MEIOB: variants seen among roughly 807,000 people sequenced by gnomAD.
The protein encoded by MEIOB is meiosis specific with OB-fold.
In MEIOB, 50 loss-of-function variants were observed where a neutral mutation model predicts 53.1. That is an observed-to-expected ratio of 0.94 (90% CI 0.75 to 1.19). The LOEUF (loss-of-function observed/expected upper bound fraction) is 1.19, where lower values mean the gene tolerates loss of function less well. Among genes scored for constraint, MEIOB ranks in the 50% most tolerant of loss-of-function variants. MEIOB has a pLI of 0.00. For synonymous variants in MEIOB, 192 were observed against 182.5 expected (o/e 1.05, Z -0.42); for missense variants, 551 against 550.8 (o/e 1.00, Z 0.00).
intron 10 of MEIOB, among the ~76,000 whole-genome samples, chr16:1,842,807 G>T (rs1438939557): frequency 2.0e-5 from 3 of 150,456 alleles, no homozygotes; most frequent in Non-Finnish European, 4.4e-5. Flanking sequence ...GGCACTACGG[G>T]CGCCCGCCAC....
Position 1,844,995 on chromosome 16 carries a change from C to A in MEIOB, c.779-32G>T, listed in dbSNP as rs781104152. ...TTGAAAATGCATAATAAGTAAAAAG[C>A]AAACTGATTATCATTTAAATCACAT... On this transcript the variant is annotated intron_variant, in intron 9 of 13. Transcript: ENST00000325962. 5.3e-6 allele frequency: 5 copies of A among 943,038 alleles called. No individual in the cohort carries two copies. In the Admixed American group the frequency reaches 8.7e-5, roughly 16 times the overall value. The allele number at this position is 943,038 out of a possible 1,614,324, so 58.4% of individuals were successfully genotyped here.
At chr16:1,848,372 C>T (rs1412518479) in intron 9 of MEIOB, among the ~76,000 whole-genome samples, 1 of 152,100 alleles carries the variant, frequency 6.6e-6, no homozygotes, top group East Asian at 1.9e-4. Flanking sequence ...TAAGCATCAT[C>T]TATGATAACT....
At position 1,859,846 on chromosome 16, in the gene MEIOB, G is replaced by A. The variant is rs868372624; in HGVS notation, c.332+557C>T. On this transcript the variant is annotated intron_variant, in intron 5 of 13. Coordinates refer to ENST00000325962, the MANE Select transcript of MEIOB (RefSeq NM_001163560.3). ...ATGCCCCGCCCCATCCTGCGGGTTT[G>A]GGGAGTGGATGGACTACAGCCAGGG... 9.2e-5 allele frequency among the ~76,000 whole-genome samples: 14 copies of A among 152,226 alleles called. 1 individual carries two copies. In the South Asian group the frequency reaches 2.3e-3, roughly 25 times the overall value.
intron 11 of MEIOB, 86 bp downstream of exon 11, chr16:1,841,734 G>A (rs1216712110): frequency 9.6e-7 from 1 of 1,044,480 alleles, no homozygotes; most frequent in African/African-American, 1.6e-5. Flanking sequence ...TCAACAAACA[G>A]CTTTAACTTT....
rs540621439 is a variant in MEIOB at position 1,848,589 on chromosome 16, C to G, written c.779-3626G>C. On this transcript the variant is annotated intron_variant, in intron 9 of 13. Transcript: ENST00000325962. ...ACAGAGTCTCACTCTGTTGCCCAGGCTGGGATGCAGTGGCATGATCTCGAC... is the reference window on the plus strand; with the variant it reads ...ACAGAGTCTCACTCTGTTGCCCAGGGTGGGATGCAGTGGCATGATCTCGAC... Among the ~76,000 whole-genome samples the G allele has an allele frequency of 1.2e-3, 169 of 140,252 alleles. 3 individuals carry two copies. Among genetic ancestry groups the G allele is most frequent in the Admixed American group, 4.7e-4 (6 of 12,728 alleles). The allele number at this position is 140,252 out of a possible 152,430, so 92.0% of individuals were successfully genotyped here.
chr16:1,839,491 C>G (rs1285172625), intron 11 of MEIOB, 53 bp from the exon 12 acceptor site: 3 of 1,467,420 alleles, frequency 2.0e-6, no homozygotes, highest in Non-Finnish European at 2.8e-6. Flanking sequence ...CTACAAATTT[C>G]ATCTGTAGCA....
chr16:1,838,769 G>A (rs547816248), intron 12 of MEIOB, among the ~76,000 whole-genome samples: 78 of 152,160 alleles, frequency 5.1e-4, no homozygotes, highest in Non-Finnish European at 1.0e-3. Flanking sequence ...TTGGCTCACT[G>A]CAACTTCCAC....
chr16:1,867,751 C>T (rs1468868646), intron 2 of MEIOB, among the ~76,000 whole-genome samples: 1 of 152,084 alleles, frequency 6.6e-6, no homozygotes, highest in Non-Finnish European at 1.5e-5. Context: ...GGATTACAGA[C>T]ATGAGCCACT....
chr16:1,865,722 G>T, intron 3 of MEIOB, 56 bp downstream of exon 3: 1 of 1,242,572 alleles, frequency 8.0e-7, no homozygotes. Context: ...ATACTTTGTT[G>T]TAGTCATAAG....
At chr16:1,837,602 T>C in intron 13 of MEIOB, 182 bp downstream of exon 13, 1 of 456,132 alleles carries the variant, frequency 2.2e-6, no homozygotes. Flanking sequence ...GTAACTCCTT[T>C]ATACAATATG....
At position 1,853,275 on chromosome 16, in the gene MEIOB, C is replaced by T; in HGVS notation, c.630-4G>A. ...TAGAATGGATTCATTATCCCAACTG[C>T]ATTTGTTTAAAAAGAAGTAATACAA... On this transcript the variant is annotated splice_region_variant and splice_polypyrimidine_tract_variant and intron_variant, in intron 7 of 13. Transcript: ENST00000325962. 1 of 1,545,016 alleles carries T rather than the reference C, an allele frequency of 6.5e-7. No homozygotes were observed. Among genetic ancestry groups the T allele is most frequent in the Non-Finnish European group, 8.8e-7 (1 of 1,140,804 alleles).
In MEIOB at chr16:1,870,502, T is replaced by C. The variant is rs997125528; in HGVS notation, c.-10+1491A>G. Among the ~76,000 whole-genome samples the C allele has an allele frequency of 5.9e-5, 9 of 152,334 alleles. 1 individual carries two copies. The highest frequency in any genetic ancestry group is 1.7e-4 in the African/African-American group (7 of 41,582). ...GGAGTTAGTCAAATATGATTTTGAA[T>C]TGCAACACCACTAGTTTGTAGTCGT... On this transcript the variant is annotated intron_variant, in intron 1 of 13. Transcript: ENST00000325962.
In MEIOB at chr16:1,857,830, T is replaced by C; in HGVS notation, c.433A>G (p.Lys145Glu). The C allele has an allele frequency of 6.4e-7, 1 of 1,551,598 alleles. No homozygotes were observed. The highest frequency in any genetic ancestry group is 1.2e-5 in the South Asian group (1 of 84,042). Residue 145 changes from lysine to glutamate, a missense_variant, in exon 6 of 14, where the codon AAA becomes GAA. Transcript: ENST00000325962. ...AGTGAATAATAATCATGAGACTCTT[T>C]AACAGGTAAATGTATCAAAGAAAGT... ...KLLSLIHLPV[K>E]ESHDYYSLGD...
At position 1,848,541 on chromosome 16, in the gene MEIOB, TTC is replaced by T. The variant is rs1491010038; in HGVS notation, c.779-3580_779-3579del. 4.3e-4 allele frequency among the ~76,000 whole-genome samples: 60 copies of T among 140,370 alleles called. 1 individual carries two copies. Among genetic ancestry groups the T allele is most frequent in the Non-Finnish European group, 7.4e-4 (48 of 64,540 alleles). The allele number at this position is 140,370 out of a possible 152,430, so 92.1% of individuals were successfully genotyped here. On this transcript the variant is annotated intron_variant, in intron 9 of 13. Transcript: ENST00000325962. The stretch of plus-strand genomic sequence containing the variant: ...CTTATCCCTTCTCCTTTTTTTTTTT[TTC>T]CTTTTTTTTTTTTTTTGGAGACAGA...
intron 12 of MEIOB, chr16:1,838,263 G>A (rs62038405): frequency 1.5e-5 from 6 of 411,838 alleles, no homozygotes; most frequent in African/African-American, 8.2e-5. Flanking sequence ...GCCTCCCAAA[G>A]TGGTAGGATT....
intron 4 of MEIOB, 141 bp downstream of exon 4, chr16:1,861,844 T>C: frequency 2.3e-6 from 2 of 879,318 alleles, no homozygotes; most frequent in Non-Finnish European, 3.4e-6. Flanking sequence ...TGCATTATAC[T>C]CTTAACACTT....
intron 9 of MEIOB, among the ~76,000 whole-genome samples, chr16:1,851,108 C>T (rs1899158272): frequency 6.6e-6 from 1 of 152,076 alleles, no homozygotes; most frequent in Admixed American, 6.6e-5. Flanking sequence ...GATGCTGTCA[C>T]CGCTCTGCTC....
chr16:1,860,111 T>G (rs1387508013), intron 5 of MEIOB, among the ~76,000 whole-genome samples: 1 of 152,234 alleles, frequency 6.6e-6, no homozygotes, highest in Non-Finnish European at 1.5e-5. Flanking sequence ...AAAAGACAGA[T>G]GTAATTTCCA....
intron 10 of MEIOB, 116 bp downstream of exon 10, chr16:1,844,746 T>C (rs1898989115): frequency 6.9e-6 from 4 of 577,140 alleles, no homozygotes; most frequent in Non-Finnish European, 1.3e-5. Context: ...CTTTAGAAAG[T>C]AGAAATATAG....
Sources: allele counts gnomAD v4.1 joint callset (sites outside exome capture counted in the v4.1 genomes callset), GRCh38; gene constraint gnomAD v4.1.1; transcripts MANE v1.5; gene names NCBI Gene and HGNC (gene_info 2026-07-23, HGNC 2026-07-21).